Variants in NFKB1 observed in about 807,000 individuals in gnomAD.
NFKB1 encodes the protein nuclear factor NF-kappa-B p105 subunit.
In NFKB1, 9 loss-of-function variants were observed where a neutral mutation model predicts 105.1. The ratio of observed to expected loss-of-function variants is 0.09; its 90% confidence interval spans 0.05 to 0.15. The LOEUF (loss-of-function observed/expected upper bound fraction) is 0.15, where lower values mean the gene tolerates loss of function less well. Ranked by LOEUF, NFKB1 falls within the 10% of genes least tolerant of loss-of-function variation. The pLI is 1.00. For synonymous variants in NFKB1, 440 were observed against 442.2 expected (o/e 1.00, Z 0.06); for missense variants, 830 against 1,203.7 (o/e 0.69, Z 4.59).
At chr4:102,572,901 C>A (rs758032856) in intron 6 of NFKB1, among the ~76,000 whole-genome samples, 1 of 152,210 alleles carries the variant, frequency 6.6e-6, no homozygotes, top group Non-Finnish European at 1.5e-5. Context: ...GCCTCAGGCA[C>A]TTCCTTTTAT....
At chr4:102,549,240 T>G (rs1722383945) in intron 5 of NFKB1, among the ~76,000 whole-genome samples, 1 of 151,944 alleles carries the variant, frequency 6.6e-6, no homozygotes. Flanking sequence ...CAAAAGATGG[T>G]TTTATCCCAA....
intron 5 of NFKB1, among the ~76,000 whole-genome samples, chr4:102,549,221 A>G (rs1722382526): frequency 6.6e-6 from 1 of 151,998 alleles, no homozygotes; most frequent in Non-Finnish European, 1.5e-5. Context: ...ATCCTTATAC[A>G]CTTCTGCACA....
chr4:102,591,419 CAAAAA>C (rs59255093), intron 11 of NFKB1, among the ~76,000 whole-genome samples: 1 of 101,760 alleles, frequency 9.8e-6, no homozygotes, highest in Non-Finnish European at 2.0e-5. Context: ...GACCCTGGCT[CAAAAA>C]AAAAAAAAAA....
At chr4:102,578,592 G>GGCACAC in intron 7 of NFKB1, 1 of 473,344 alleles carries the variant, frequency 2.1e-6, no homozygotes, top group Admixed American at 3.6e-5. Flanking sequence ...TCTTACTGTA[G>GGCACAC]AGAGGAAAGG....
chr4:102,599,239 A>G (rs1056668614), intron 15 of NFKB1, among the ~76,000 whole-genome samples: 8 of 152,266 alleles, frequency 5.3e-5, no homozygotes, highest in African/African-American at 1.9e-4. Context: ...CATCATGTCT[A>G]TGTCAGAGTT....
At chr4:102,584,112 A>C (rs576306982) in intron 10 of NFKB1, among the ~76,000 whole-genome samples, 2 of 152,310 alleles carry the variant, frequency 1.3e-5, no homozygotes, top group East Asian at 3.9e-4. Flanking sequence ...CAAAGAGAAT[A>C]CCACTGTATG....
chr4:102,518,614 C>A (rs1387343690), intron 1 of NFKB1, among the ~76,000 whole-genome samples: 1 of 152,134 alleles, frequency 6.6e-6, no homozygotes, highest in African/African-American at 2.4e-5. Context: ...CACCACAAAG[C>A]AAATTAAAAG....
chr4:102,538,688 A>G (rs962425397), intron 5 of NFKB1, among the ~76,000 whole-genome samples: 1 of 152,174 alleles, frequency 6.6e-6, no homozygotes, highest in Admixed American at 6.5e-5. Flanking sequence ...TAATTTCATA[A>G]TATGCTATGT....
At chr4:102,561,277 T>TG (rs1251118302) in intron 5 of NFKB1, among the ~76,000 whole-genome samples, 4,290 of 115,936 alleles carry the variant, frequency 0.037, 141 homozygotes, top group African/African-American at 0.11. Flanking sequence ...TTTTTTTTTT[T>TG]TTTTTGTGTG....
intron 12 of NFKB1, among the ~76,000 whole-genome samples, chr4:102,593,972 A>G (rs1026475111): frequency 6.6e-6 from 1 of 152,232 alleles, no homozygotes; most frequent in Non-Finnish European, 1.5e-5. Flanking sequence ...TTGAAAATAC[A>G]TAAAATCTGC....
At chr4:102,602,725 T>C (rs1373649155) in intron 16 of NFKB1, among the ~76,000 whole-genome samples, 3 of 152,172 alleles carry the variant, frequency 2.0e-5, no homozygotes, top group African/African-American at 4.8e-5. Flanking sequence ...CTTGTGCTTC[T>C]TGTCAAAGGA....
At chr4:102,605,988 G>C (rs1210446494) in intron 16 of NFKB1, among the ~76,000 whole-genome samples, 1 of 152,124 alleles carries the variant, frequency 6.6e-6, no homozygotes, top group African/African-American at 2.4e-5. Flanking sequence ...AAAATTATCA[G>C]CTGGAGGTAA....
At chr4:102,606,382 T>C in intron 16 of NFKB1, 114 bp from the exon 17 acceptor site, 1 of 975,696 alleles carries the variant, frequency 1.0e-6, no homozygotes. Context: ...AATCTGGGAA[T>C]GAGAAATATT....
chr4:102,595,729 T>C (rs1377802307), intron 13 of NFKB1, among the ~76,000 whole-genome samples: 3 of 152,210 alleles, frequency 2.0e-5, no homozygotes, highest in Admixed American at 6.5e-5. Flanking sequence ...TCAGGAATGG[T>C]ACACTGGATA....
intron 6 of NFKB1, among the ~76,000 whole-genome samples, chr4:102,569,434 A>G (rs751412713): frequency 2.0e-5 from 3 of 152,142 alleles, no homozygotes; most frequent in Non-Finnish European, 4.4e-5. Context: ...TGCCACACAC[A>G]TATTTATGGT....
At chr4:102,609,158 C>CAAAAAAAAAAA (rs372174091) in intron 19 of NFKB1, among the ~76,000 whole-genome samples, 4 of 97,368 alleles carry the variant, frequency 4.1e-5, no homozygotes, top group Non-Finnish European at 6.4e-5. Context: ...GACCCTGTCT[C>CAAAAAAAAAAA]AAAAAAAAAA....
intron 22 of NFKB1, 131 bp from the exon 23 acceptor site, chr4:102,613,294 C>T: frequency 3.3e-6 from 3 of 898,004 alleles, no homozygotes; most frequent in South Asian, 1.7e-5. Flanking sequence ...TCTTCTCTGC[C>T]CTTTCCATTT....
At chr4:102,524,532 G>A (rs893137470) in intron 1 of NFKB1, among the ~76,000 whole-genome samples, 1 of 152,116 alleles carries the variant, frequency 6.6e-6, no homozygotes, top group Admixed American at 6.6e-5. Context: ...ACTGGGGGCT[G>A]GGGGTGATTT....
chr4:102,524,082 G>A (rs1287695542), intron 1 of NFKB1, among the ~76,000 whole-genome samples: 2 of 151,160 alleles, frequency 1.3e-5, no homozygotes, highest in African/African-American at 2.4e-5. Flanking sequence ...TCAGCCTTGT[G>A]TTTCTTTAAT....
Sources: gnomAD v4.1 joint callset for allele counts (sites outside exome capture counted in the v4.1 genomes callset) on GRCh38, gnomAD v4.1.1 for gene constraint, MANE v1.5 for transcripts, NCBI Gene and HGNC (gene_info 2026-07-23, HGNC 2026-07-21) for gene names.